The following ITPR2 variants were observed in gnomAD, a reference collection of about 807,000 sequenced individuals.
ITPR2 encodes inositol 1,4,5-trisphosphate receptor type 2, also known as inositol 1,4,5-trisphosphate-gated calcium channel ITPR2.
Under a neutral mutation model 317.1 loss-of-function variants are expected in ITPR2, and 207 were observed. The ratio of observed to expected loss-of-function variants is 0.65; its 90% CI spans 0.58 to 0.73. The LOEUF (loss-of-function observed/expected upper bound fraction) is 0.73, where lower values mean the gene tolerates loss of function less well. ITPR2 is among the 30% of genes least tolerant of loss of function. The probability of loss-of-function intolerance (pLI) is 0.00; values close to 1 mark genes in which losing one functional copy is unlikely to be tolerated. For synonymous variants in ITPR2, 1,156 were observed against 1,149.1 expected (o/e 1.01, Z -0.12); for missense variants, 2,613 against 3,284.0 (o/e 0.80, Z 4.99).
chr12:26,591,297 A>G (rs751901491), intron 32 of ITPR2, among the ~76,000 whole-genome samples: 1 of 152,210 alleles, frequency 6.6e-6, no homozygotes, highest in Admixed American at 6.5e-5. Flanking sequence ...ATTTCTCAAA[A>G]GAAGACATAC....
At chr12:26,472,315 T>C (rs1942309091) in intron 45 of ITPR2, among the ~76,000 whole-genome samples, 1 of 152,216 alleles carries the variant, frequency 6.6e-6, no homozygotes, top group Admixed American at 6.5e-5. Context: ...TCTCTTACAG[T>C]GTAATCATGA....
At chr12:26,506,752 C>T (rs770746885) in intron 37 of ITPR2, among the ~76,000 whole-genome samples, 20 of 152,022 alleles carry the variant, frequency 1.3e-4, no homozygotes, top group Non-Finnish European at 2.8e-4. Flanking sequence ...CAGGTTATCC[C>T]CCTGCTACAA....
chr12:26,656,679 G>A (rs1057007673), intron 18 of ITPR2, 131 bp from the exon 19 acceptor site: 1 of 887,872 alleles, frequency 1.1e-6, no homozygotes, highest in Non-Finnish European at 1.7e-6. Context: ...TCAAACTCTT[G>A]ACTGTAGTAT....
At chr12:26,634,245 T>C (rs1236705095) in intron 21 of ITPR2, among the ~76,000 whole-genome samples, 1 of 152,196 alleles carries the variant, frequency 6.6e-6, no homozygotes, top group East Asian at 1.9e-4. Context: ...TTGAAAAACA[T>C]GAAGTCAGAC....
At chr12:26,737,736 G>A (rs1216413058) in intron 2 of ITPR2, among the ~76,000 whole-genome samples, 1 of 152,138 alleles carries the variant, frequency 6.6e-6, no homozygotes, top group Non-Finnish European at 1.5e-5. Context: ...GACCCCATAA[G>A]TCTTCTACTA....
chr12:26,597,268 T>C lies in ITPR2; in HGVS notation c.4003-134A>G, dbSNP rs999877626. On this transcript the variant is annotated intron_variant, in intron 30 of 56. Transcript: ENST00000381340. ...ATATAATACGGCAAAGACAGAGCTA[T>C]GCTTGGGGAGGGTGGTGACAAGATT... The C allele has an allele frequency of 7.9e-6, 8 of 1,012,230 alleles. No homozygotes were observed. In the East Asian group the frequency reaches 1.7e-4, roughly 22 times the overall value. The allele number at this position is 1,012,230 out of a possible 1,614,324, so 62.7% of individuals were successfully genotyped here. A position where few individuals can be genotyped will look rare whatever the true frequency, so the allele number is the denominator to read the frequency against.
rs544451243 is a variant in ITPR2 at position 26,735,079 on chromosome 12, C to T, written c.164-9314G>A. Among the ~76,000 whole-genome samples, 31 of 148,978 alleles carry T rather than the reference C, an allele frequency of 2.1e-4. No individual in the cohort carries two copies. In the South Asian group the frequency reaches 6.2e-3, roughly 30 times the overall value. On this transcript the variant is annotated intron_variant, in intron 2 of 56. Coordinates refer to ENST00000381340, the MANE Select transcript of ITPR2 (RefSeq NM_002223.4). ...GCAATGGCACGATCTCGGCTCACCA[C>T]AACCTCCGCCTCCTGGGTTCAAACG...
At chr12:26,771,340 C>G (rs1158835510) in intron 2 of ITPR2, among the ~76,000 whole-genome samples, 1 of 152,196 alleles carries the variant, frequency 6.6e-6, no homozygotes, top group East Asian at 1.9e-4. Flanking sequence ...TTTCTACCAA[C>G]TAGGAAATGC....
In ITPR2 at chr12:26,832,889, G is replaced by A. The variant is rs1363175466; in HGVS notation, c.-108C>T. 2 of 843,642 alleles carry A rather than the reference G, an allele frequency of 2.4e-6. No individual in the cohort carries two copies. The highest frequency in any genetic ancestry group is 2.4e-5 in the Admixed American group (1 of 41,842). The allele number at this position is 843,642 out of a possible 1,614,324, so 52.3% of individuals were successfully genotyped here. On this transcript the variant is annotated 5_prime_UTR_variant, in exon 1 of 57. Transcript: ENST00000381340. ...GCGGATCGGATCGCGGGACTACAGC[G>A]GCCAAGAGCCGCGGCGGAGGGCACG...
intron 14 of ITPR2, among the ~76,000 whole-genome samples, chr12:26,665,267 G>C (rs1253002118): frequency 2.6e-5 from 4 of 152,164 alleles, no homozygotes; most frequent in Non-Finnish European, 5.9e-5. Flanking sequence ...GATGGAGATG[G>C]CACTTTCCAA....
At chr12:26,400,725 G>A (rs1940149737) in intron 52 of ITPR2, 2 of 152,320 alleles carry the variant, frequency 1.3e-5, no homozygotes, top group Non-Finnish European at 2.9e-5. Flanking sequence ...ATGGTAGGAA[G>A]AGATTGTGGC....
chr12:26,384,462 C>T (rs1401762968), intron 55 of ITPR2, among the ~76,000 whole-genome samples: 5 of 152,112 alleles, frequency 3.3e-5, no homozygotes, highest in African/African-American at 4.8e-5. Context: ...GAAAATGAAA[C>T]GTTTCATGTT....
chr12:26,716,809 C>T (rs1220072393), intron 5 of ITPR2, among the ~76,000 whole-genome samples: 1 of 152,148 alleles, frequency 6.6e-6, no homozygotes, highest in East Asian at 1.9e-4. Flanking sequence ...GAGCCTTGGG[C>T]ATCCGATTCA....
At chr12:26,768,571 T>TTA (rs1226607102) in intron 2 of ITPR2, among the ~76,000 whole-genome samples, 22 of 96,162 alleles carry the variant, frequency 2.3e-4, no homozygotes, top group South Asian at 9.2e-4. Flanking sequence ...CAAATATATA[T>TTA]AAAAAAAAAA....
chr12:26,536,105 CT>C lies in ITPR2; in HGVS notation c.5073+14141del, dbSNP rs199818991. ...GCCTGTGTATATAGCAAAGTAGAAG[CT>C]TTTTTTGTACAAGAACTTTGAGCCA... On this transcript the variant is annotated intron_variant, in intron 37 of 56. Transcript: ENST00000381340. 9.7e-4 allele frequency among the ~76,000 whole-genome samples: 148 copies of C among 152,218 alleles called. 1 individual carries two copies. The highest frequency in any genetic ancestry group is 3.3e-3 in the African/African-American group (139 of 41,528).
intron 32 of ITPR2, among the ~76,000 whole-genome samples, chr12:26,588,367 T>C (rs532951529): frequency 6.6e-6 from 1 of 152,162 alleles, no homozygotes; most frequent in Non-Finnish European, 1.5e-5. Flanking sequence ...TAGAGTGGAA[T>C]TGACATCCTG....
At chr12:26,415,578 A>T in intron 50 of ITPR2, 80 bp from the exon 51 acceptor site, 1 of 1,007,268 alleles carries the variant, frequency 9.9e-7, no homozygotes, top group Non-Finnish European at 1.4e-6. Context: ...AATTACAAAT[A>T]CAAATGCAAG....
At chr12:26,607,605 G>T (rs1946165205) in intron 26 of ITPR2, among the ~76,000 whole-genome samples, 1 of 152,150 alleles carries the variant, frequency 6.6e-6, no homozygotes, top group Non-Finnish European at 1.5e-5. Context: ...ACCTAAGGCT[G>T]CTTGAAGGCT....
chr12:26,567,798 G>A (rs1008041713), intron 34 of ITPR2, among the ~76,000 whole-genome samples: 14 of 150,812 alleles, frequency 9.3e-5, no homozygotes, highest in African/African-American at 3.4e-4. Flanking sequence ...AAACAAAAAA[G>A]AAAATTATGT....
Sources: allele counts gnomAD v4.1 joint callset (sites outside exome capture counted in the v4.1 genomes callset), GRCh38; gene constraint gnomAD v4.1.1; transcripts MANE v1.5; gene names NCBI Gene and HGNC (gene_info 2026-07-23, HGNC 2026-07-21).